Variants in STXBP5L observed in about 807,000 individuals in gnomAD.
STXBP5L encodes syntaxin binding protein 5L, also known as syntaxin-binding protein 5-like.
In STXBP5L, 65 loss-of-function variants were observed where a neutral mutation model predicts 144.5. The observed-to-expected ratio is 0.45, with a 90% CI of 0.37 to 0.55. The LOEUF (loss-of-function observed/expected upper bound fraction) is 0.55, where lower values mean the gene tolerates loss of function less well. Ranked by LOEUF, STXBP5L falls within the 20% of genes least tolerant of loss-of-function variation. STXBP5L has a pLI of 0.00. For synonymous variants in STXBP5L, 505 were observed against 469.6 expected, an observed-to-expected ratio of 1.08 and a Z score of -0.97; for missense variants, 1,298 against 1,405.5, an observed-to-expected ratio of 0.92 and a Z score of 1.22.
chr3:120,977,645 G>C (rs917710539), intron 3 of STXBP5L, among the ~76,000 whole-genome samples: 2 of 152,120 alleles, frequency 1.3e-5, no homozygotes, highest in Non-Finnish European at 2.9e-5. Context: ...AGCTTCGATG[G>C]TCTTTACAAT....
intron 14 of STXBP5L, among the ~76,000 whole-genome samples, chr3:121,243,546 A>AC (rs1165935085): frequency 6.6e-6 from 1 of 152,106 alleles, no homozygotes; most frequent in East Asian, 1.9e-4. Context: ...AAGAGACAAA[A>AC]AAAAAAAAAA....
rs569842235 is a variant in STXBP5L, at chr3:121,223,896, G to T, written c.1111+739G>T. 2.3e-4 allele frequency among the ~76,000 whole-genome samples: 35 copies of T among 152,086 alleles called. No homozygotes were observed. The South Asian group carries it at 7.1e-3, about 31-fold the overall frequency. ...AGATCGTTTGAGTCCAGGAGTTCAA[G>T]ACTGGCCTGGGCAACATAATGAGAT... On this transcript the variant is annotated intron_variant, in intron 11 of 26. Coordinates refer to ENST00000471454, the MANE Select transcript of STXBP5L (RefSeq NM_001308330.2).
intron 19 of STXBP5L, among the ~76,000 whole-genome samples, chr3:121,286,339 A>G (rs995764480): frequency 1.3e-5 from 2 of 152,196 alleles, no homozygotes; most frequent in Admixed American, 6.5e-5. Context: ...AGTAAACAAA[A>G]AATTAAAGAA....
At chr3:121,089,341 T>A (rs1196383141) in intron 5 of STXBP5L, among the ~76,000 whole-genome samples, 3 of 151,890 alleles carry the variant, frequency 2.0e-5, no homozygotes, top group African/African-American at 7.2e-5. Flanking sequence ...AATTTCTTCA[T>A]ACCTGAGGGA....
At chr3:120,986,898 G>T (rs1343429731) in intron 3 of STXBP5L, among the ~76,000 whole-genome samples, 1 of 151,880 alleles carries the variant, frequency 6.6e-6, no homozygotes, top group Admixed American at 6.6e-5. Flanking sequence ...TGAGTCTAAA[G>T]AACGAGAAAA....
At position 120,994,945 on chromosome 3, in the gene STXBP5L, C is replaced by G. The variant is rs566760780; in HGVS notation, c.287+39908C>G. ...GAAGACTTTTTATTACTGATTCAATCTTGTTATCCATTATTGGCTGTCCAG... is the reference window on the plus strand; with the variant it reads ...GAAGACTTTTTATTACTGATTCAATGTTGTTATCCATTATTGGCTGTCCAG... On this transcript the variant is annotated intron_variant, in intron 3 of 26. Transcript: ENST00000471454. Among the ~76,000 whole-genome samples the G allele has an allele frequency of 2.6e-5, 4 of 152,080 alleles. No homozygotes were observed. The South Asian group carries it at 8.3e-4, about 32-fold the overall frequency.
intron 9 of STXBP5L, among the ~76,000 whole-genome samples, chr3:121,168,718 G>T (rs900510781): frequency 1.3e-5 from 2 of 152,158 alleles, no homozygotes; most frequent in African/African-American, 4.8e-5. Context: ...TGTTTGATTG[G>T]TGTACCTAAA....
At chr3:120,983,409 G>A (rs1941990502) in intron 3 of STXBP5L, among the ~76,000 whole-genome samples, 1 of 152,118 alleles carries the variant, frequency 6.6e-6, no homozygotes, top group Admixed American at 6.5e-5. Context: ...ATCTGTTTTT[G>A]GGGCCTTGTG....
At chr3:121,278,418 A>G (rs2050949582) in intron 18 of STXBP5L, among the ~76,000 whole-genome samples, 1 of 151,942 alleles carries the variant, frequency 6.6e-6, no homozygotes, top group East Asian at 1.9e-4. Context: ...CCAAGACAAA[A>G]ATAATTATTT....
intron 2 of STXBP5L, among the ~76,000 whole-genome samples, chr3:120,912,102 T>C (rs1254069100): frequency 6.6e-6 from 1 of 152,024 alleles, no homozygotes; most frequent in Non-Finnish European, 1.5e-5. Context: ...TTCCTTAGTA[T>C]TTCTGAAATT....
At chr3:121,348,085 G>A (rs541973589) in intron 20 of STXBP5L, among the ~76,000 whole-genome samples, 2 of 152,208 alleles carry the variant, frequency 1.3e-5, no homozygotes, top group East Asian at 1.9e-4. Flanking sequence ...TATGATATTG[G>A]CTGTGGGTTT....
At chr3:121,338,519 T>C (rs887476797) in intron 20 of STXBP5L, among the ~76,000 whole-genome samples, 1 of 146,016 alleles carries the variant, frequency 6.8e-6, no homozygotes, top group African/African-American at 2.6e-5. Context: ...TGGTGCCGCC[T>C]GTAATCCCAG....
chr3:121,112,136 C>CCG (rs2044016216), intron 5 of STXBP5L, among the ~76,000 whole-genome samples: 1 of 151,956 alleles, frequency 6.6e-6, no homozygotes, highest in Non-Finnish European at 1.5e-5. Context: ...CCCCTCCCCC[C>CCG]AGGACTCAGT....
intron 3 of STXBP5L, among the ~76,000 whole-genome samples, chr3:121,013,314 G>T (rs550915537): frequency 1.1e-4 from 16 of 152,108 alleles, no homozygotes; most frequent in African/African-American, 3.8e-4. Context: ...CTCACCAATG[G>T]TATATAAGTG....
intron 9 of STXBP5L, among the ~76,000 whole-genome samples, chr3:121,179,535 A>G (rs1486294445): frequency 6.6e-6 from 1 of 152,166 alleles, no homozygotes; most frequent in Non-Finnish European, 1.5e-5. Context: ...GGGTTCTCTA[A>G]TACCCCTAAA....
Position 121,045,504 on chromosome 3 carries a change from A to T in STXBP5L, c.439A>T (p.Ile147Leu). 1 of 1,613,146 alleles carries T rather than the reference A, an allele frequency of 6.2e-7. No individual in the cohort carries two copies. The highest frequency in any genetic ancestry group is 8.5e-7 in the Non-Finnish European group (1 of 1,179,454). The change falls in exon 5 of 27, where the codon ATA (isoleucine) becomes TTA (leucine). Residue 147 changes from isoleucine (I) to leucine (L), a missense_variant. Ile to Leu is a conservative substitution (Grantham distance 5, BLOSUM62 2). Transcript: ENST00000471454. ...LWNLRQKRPA[I>L]LHSLKFNRER... is the part of the protein sequence containing the mutation. ...GAACCTTAGACAAAAAAGGCCAGCC[A>T]TACTCCATTCTCTTAAATTTAACCG...
chr3:121,043,063 C>T (rs1947270414), intron 4 of STXBP5L, among the ~76,000 whole-genome samples: 1 of 151,678 alleles, frequency 6.6e-6, no homozygotes, highest in East Asian at 1.9e-4. Context: ...CTTCCAGGTC[C>T]TAAGTTTGCC....
chr3:121,002,890 A>C (rs1013888471), intron 3 of STXBP5L, among the ~76,000 whole-genome samples: 6 of 152,130 alleles, frequency 3.9e-5, no homozygotes, highest in African/African-American at 7.2e-5. Flanking sequence ...TGAACTCATC[A>C]TTTTTTATGG....
intron 7 of STXBP5L, among the ~76,000 whole-genome samples, chr3:121,139,334 C>T (rs1362782447): frequency 6.6e-6 from 1 of 152,016 alleles, no homozygotes; most frequent in South Asian, 2.1e-4. Context: ...TGTAAAAAAG[C>T]ACTCTCTCTT....
Sources: allele counts gnomAD v4.1 joint callset (sites outside exome capture counted in the v4.1 genomes callset), GRCh38; gene constraint gnomAD v4.1.1; transcripts MANE v1.5; gene names NCBI Gene and HGNC (gene_info 2026-07-23, HGNC 2026-07-21).